PCDH9: variants seen among roughly 807,000 people sequenced by gnomAD.
The protein encoded by PCDH9 is protocadherin 9.
PCDH9 carries 24 observed loss-of-function variants against 70.6 expected under a neutral mutation model. The ratio of observed to expected loss-of-function variants is 0.34; its 90% CI spans 0.25 to 0.48. PCDH9 has a LOEUF of 0.48. PCDH9 is among the 20% of genes least tolerant of loss of function. PCDH9 has a pLI of 0.99. For synonymous variants in PCDH9, 562 were observed against 558.5 expected (o/e 1.01, Z -0.09); for missense variants, 1,281 against 1,503.6 (o/e 0.85, Z 2.45).
chr13:66,459,079 T>C (rs553734209), intron 4 of PCDH9, among the ~76,000 whole-genome samples: 2 of 152,052 alleles, frequency 1.3e-5, no homozygotes, highest in African/African-American at 4.8e-5. Context: ...GTCTTAAAAA[T>C]AAGAACGTGT....
chr13:66,743,700 T>C (rs1230297642), intron 3 of PCDH9, among the ~76,000 whole-genome samples: 1 of 152,176 alleles, frequency 6.6e-6, no homozygotes, highest in African/African-American at 2.4e-5. Context: ...AATAGCTTGA[T>C]CTAGCTATTC....
At position 66,629,498 on chromosome 13, in the gene PCDH9, A is replaced by C. The variant is rs116573283; in HGVS notation, c.3340+1712T>G. 3.6e-3 allele frequency among the ~76,000 whole-genome samples: 553 copies of C among 152,372 alleles called. 3 individuals carry two copies. Among genetic ancestry groups the C allele is most frequent in the African/African-American group, 0.013 (535 of 41,604 alleles). On this transcript the variant is annotated intron_variant, in intron 4 of 4. Coordinates refer to ENST00000377865, the MANE Select transcript of PCDH9 (RefSeq NM_203487.3). The stretch of plus-strand genomic sequence containing the variant: ...AAGTCTGGAGAAGGTTGATTCAATG[A>C]AACCACTTAGATTCAGTGGTGCTTA...
rs1403602570 is a variant in PCDH9 at position 67,097,409 on chromosome 13, T to C, written c.3036+127996A>G. Among the ~76,000 whole-genome samples the C allele has an allele frequency of 6.6e-5, 10 of 152,128 alleles. 1 individual carries two copies. On this transcript the variant is annotated intron_variant, in intron 2 of 4. Coordinates refer to ENST00000377865, the MANE Select transcript of PCDH9 (RefSeq NM_203487.3). ...TCTGCATTACAAAGCAAATGACATA[T>C]ATTTGTAGGGAGCAACCAATTTGAA... is the stretch of plus-strand genomic sequence containing the variant.
rs116516597 is a variant in PCDH9 at position 66,933,280 on chromosome 13, A to G, written c.3037-29675T>C. On this transcript the variant is annotated intron_variant, in intron 2 of 4. Transcript: ENST00000377865. ...AATGCCTTTTACCTATGACATCAGTATATTTTTAGCATTGTCAACAAAGAC... is the reference window on the plus strand; with the variant it reads ...AATGCCTTTTACCTATGACATCAGTGTATTTTTAGCATTGTCAACAAAGAC... Among the ~76,000 whole-genome samples, 1,364 of 152,284 alleles carry G rather than the reference A, an allele frequency of 9.0e-3. 17 individuals are homozygous for G. The highest frequency in any genetic ancestry group is 0.031 in the African/African-American group (1,291 of 41,562).
chr13:67,153,757 T>G (rs928003), intron 2 of PCDH9, among the ~76,000 whole-genome samples: 151,860 of 152,306 alleles, frequency 1, 75,711 homozygotes, highest in Middle Eastern at 1. Flanking sequence ...CTACTGTGAT[T>G]CTTTTATTCA....
At chr13:66,341,527 C>A (rs1956124576) in intron 4 of PCDH9, among the ~76,000 whole-genome samples, 1 of 152,168 alleles carries the variant, frequency 6.6e-6, no homozygotes, top group African/African-American at 2.4e-5. Flanking sequence ...GCCCAGCCCC[C>A]ACCTCAGATC....
At chr13:66,778,800 A>C (rs2079943695) in intron 3 of PCDH9, among the ~76,000 whole-genome samples, 1 of 152,180 alleles carries the variant, frequency 6.6e-6, no homozygotes, top group Non-Finnish European at 1.5e-5. Flanking sequence ...ATTCAAACTC[A>C]AGCCTATCAG....
intron 2 of PCDH9, among the ~76,000 whole-genome samples, chr13:66,932,222 A>T (rs2139663532): frequency 6.6e-6 from 1 of 152,228 alleles, no homozygotes; most frequent in East Asian, 1.9e-4. Context: ...TGGCTCTGCC[A>T]CTTGCTAGGT....
chr13:66,766,150 T>C (rs9564344), intron 3 of PCDH9, among the ~76,000 whole-genome samples: 40,232 of 151,792 alleles, frequency 0.27, 5,903 homozygotes, highest in East Asian at 0.43. Flanking sequence ...TACATGAATA[T>C]GTATATACAT....
intron 4 of PCDH9, among the ~76,000 whole-genome samples, chr13:66,358,673 G>C (rs1956422857): frequency 6.6e-6 from 1 of 151,896 alleles, no homozygotes; most frequent in Non-Finnish European, 1.5e-5. Flanking sequence ...GATGATGTAA[G>C]AGTAACAAAT....
intron 2 of PCDH9, among the ~76,000 whole-genome samples, chr13:66,908,359 G>A (rs746562570): frequency 3.9e-5 from 6 of 152,050 alleles, no homozygotes; most frequent in Non-Finnish European, 7.4e-5. Context: ...TTAACTGTTC[G>A]TGTTGTTGTC....
chr13:66,452,180 T>G (rs967763280), intron 4 of PCDH9, among the ~76,000 whole-genome samples: 3 of 152,184 alleles, frequency 2.0e-5, no homozygotes, highest in Non-Finnish European at 4.4e-5. Context: ...AGGTAAATAC[T>G]GAGAGAGGAA....
chr13:67,180,212 T>C (rs764404595), intron 2 of PCDH9, among the ~76,000 whole-genome samples: 3 of 152,210 alleles, frequency 2.0e-5, no homozygotes, highest in Non-Finnish European at 4.4e-5. Flanking sequence ...CTTAATTATG[T>C]ATATTTTCTG....
In PCDH9 at chr13:66,805,960, AC is replaced by A. The variant is rs200106146; in HGVS notation, c.3138+97543del. Among the ~76,000 whole-genome samples, 832 of 152,274 alleles carry A rather than the reference AC, an allele frequency of 5.5e-3. 14 individuals are homozygous for A. Among genetic ancestry groups the A allele is most frequent in the African/African-American group, 0.019 (808 of 41,576 alleles). On this transcript the variant is annotated intron_variant, in intron 3 of 4. Coordinates refer to ENST00000377865, the MANE Select transcript of PCDH9 (RefSeq NM_203487.3). ...ACCATCAATCAACTCTAGAAAAAAAACATTACTTCTTCTGTGGGTTGCCAAT... is the reference window on the plus strand; with the variant it reads ...ACCATCAATCAACTCTAGAAAAAAAAATTACTTCTTCTGTGGGTTGCCAAT...
At position 66,830,195 on chromosome 13, in the gene PCDH9, A is replaced by G. The variant is rs180895140; in HGVS notation, c.3138+73309T>C. ...GTAGGAATGTATTATATTACTTCAC[A>G]TTATATTCTCTTCAATATAATGTGA... On this transcript the variant is annotated intron_variant, in intron 3 of 4. Coordinates refer to ENST00000377865, the MANE Select transcript of PCDH9 (RefSeq NM_203487.3). Among the ~76,000 whole-genome samples the G allele has an allele frequency of 1.4e-4, 22 of 152,316 alleles. No homozygotes were observed. In the East Asian group the frequency reaches 4.1e-3, roughly 28 times the overall value.
chr13:66,712,228 T>C (rs568279778), intron 3 of PCDH9, among the ~76,000 whole-genome samples: 1 of 152,322 alleles, frequency 6.6e-6, no homozygotes, highest in South Asian at 2.1e-4. Flanking sequence ...ATTACAGGTA[T>C]CATGCACATA....
intron 2 of PCDH9, among the ~76,000 whole-genome samples, chr13:67,112,553 A>G (rs1177080693): frequency 1.3e-5 from 2 of 152,164 alleles, no homozygotes; most frequent in African/African-American, 4.8e-5. Flanking sequence ...GTGCTATCAA[A>G]GAATTAAAAG....
At chr13:66,659,672 A>C (rs2077981391) in intron 3 of PCDH9, among the ~76,000 whole-genome samples, 1 of 151,776 alleles carries the variant, frequency 6.6e-6, no homozygotes, top group Non-Finnish European at 1.5e-5. Flanking sequence ...AAGACTTTTT[A>C]AACATTTTTT....
intron 2 of PCDH9, among the ~76,000 whole-genome samples, chr13:66,937,194 C>A (rs1240534673): frequency 1.3e-5 from 2 of 152,086 alleles, no homozygotes; most frequent in Non-Finnish European, 2.9e-5. Flanking sequence ...CATGCATTAT[C>A]CTATTTGGTA....
Sources: allele counts gnomAD v4.1 joint callset (sites outside exome capture counted in the v4.1 genomes callset), GRCh38; gene constraint gnomAD v4.1.1; transcripts MANE v1.5; gene names NCBI Gene and HGNC (gene_info 2026-07-23, HGNC 2026-07-21).